Variants in MYL3 observed in about 807,000 individuals in gnomAD.
MYL3 encodes the protein CMLC1.
Under a neutral mutation model 21.3 loss-of-function variants are expected in MYL3, and 11 were observed. The observed-to-expected ratio is 0.52, with a 90% CI of 0.32 to 0.85. The LOEUF (loss-of-function observed/expected upper bound fraction) is 0.85. Ranked by LOEUF, MYL3 falls within the 40% of genes least tolerant of loss-of-function variation. The pLI is 0.03. For synonymous variants in MYL3, 88 were observed against 91.6 expected (o/e 0.96, Z 0.22); for missense variants, 206 against 253.3 (o/e 0.81, Z 1.27).
chr3:46,859,693 G>T lies in MYL3; in HGVS notation c.308-45C>A. On this transcript the variant is annotated intron_variant, in intron 3 of 6. Transcript: ENST00000292327. This position sits in a 1 kb window ranked among gnomAD's most constrained non-coding sequence, Gnocchi z 4.1. ...GGTTCCAGGGTCTAAGGCTGGGGTG[G>T]GCACACCCCTCCCCCATGCCTGATA... 6.3e-7 allele frequency: 1 copy of T among 1,592,868 alleles called. No individual in the cohort carries two copies. The highest frequency in any genetic ancestry group is 8.6e-7 in the Non-Finnish European group (1 of 1,160,776).
At chr3:46,870,668 C>CCT (rs941648166) in intron 1 of MYL3, among the ~76,000 whole-genome samples, 34 of 152,114 alleles carry the variant, frequency 2.2e-4, no homozygotes, top group Admixed American at 2.2e-3. Flanking sequence ...ATGTATCCAC[C>CCT]CTCCCAGTGT....
At chr3:46,865,606 A>G (rs1416402925), upstream of MYL3, among the ~76,000 whole-genome samples, 1 of 152,198 alleles carries the variant, frequency 6.6e-6, no homozygotes, top group Non-Finnish European at 1.5e-5. This position sits in a 1 kb window ranked among gnomAD's most constrained non-coding sequence, Gnocchi z 4.3. Flanking sequence ...TCATCCTCAC[A>G]CAATTACCAC....
chr3:46,875,099 C>T (rs930731239), intron 1 of MYL3, among the ~76,000 whole-genome samples: 1 of 152,214 alleles, frequency 6.6e-6, no homozygotes, highest in African/African-American at 2.4e-5. Context: ...GAAAGCTGGA[C>T]AAGATTTGGA....
At chr3:46,858,890 C>G (rs1575497582) in intron 4 of MYL3, among the ~76,000 whole-genome samples, 1 of 152,148 alleles carries the variant, frequency 6.6e-6, no homozygotes, top group Non-Finnish European at 1.5e-5. Context: ...TGCTGGCCCC[C>G]CTTCAAAATG....
In MYL3 at chr3:46,863,359, TC is replaced by T. The variant is rs1702012187; in HGVS notation, c.31del (p.Asp11MetfsTer59). On this transcript the variant is annotated frameshift_variant, in exon 1 of 7. Coordinates refer to ENST00000292327, the MANE Select transcript of MYL3 (RefSeq NM_000258.3). LOFTEE classifies it high-confidence loss of function. MAPKKPEPKK[D>X]DAKAAPKAAP... ...TGCCTTGGGGGCTGCCTTGGCATCA[TC>T]CTTCTTGGGCTCTGGCTTTTTGGGG... is the stretch of plus-strand genomic sequence containing the variant. 1 of 1,613,696 alleles carries T rather than the reference TC, an allele frequency of 6.2e-7. No homozygotes were observed. The highest frequency in any genetic ancestry group is 1.7e-5 in the Admixed American group (1 of 60,002).
upstream of MYL3, among the ~76,000 whole-genome samples, chr3:46,867,321 C>T (rs544458079): frequency 6.6e-5 from 10 of 152,308 alleles, no homozygotes; most frequent in East Asian, 1.5e-3. Context: ...GACCCAGGAC[C>T]CAGGACAAGG....
intron 1 of MYL3, among the ~76,000 whole-genome samples, chr3:46,871,320 C>A (rs1483618592): frequency 6.6e-6 from 1 of 152,072 alleles, no homozygotes; most frequent in East Asian, 1.9e-4. Context: ...CCTCTCACCC[C>A]ACCCTACCCT....
intron 1 of MYL3, among the ~76,000 whole-genome samples, chr3:46,869,646 G>A (rs765748992): frequency 1.9e-4 from 29 of 152,224 alleles, no homozygotes; most frequent in Non-Finnish European, 3.4e-4. Flanking sequence ...GTGCTTCCAC[G>A]TGTCACCATG....
chr3:46,865,063 G>C (rs138098782), upstream of MYL3, among the ~76,000 whole-genome samples: 208 of 152,244 alleles, frequency 1.4e-3, 1 homozygote, highest in African/African-American at 4.6e-3. The surrounding 1 kb of genome is among the most constrained non-coding windows in gnomAD (Gnocchi z 4.3). Flanking sequence ...CTAAGCCTGA[G>C]GCTGAGAGGT....
intron 1 of MYL3, among the ~76,000 whole-genome samples, chr3:46,875,890 TGG>T (rs2030183087): frequency 1.3e-5 from 2 of 152,188 alleles, no homozygotes; most frequent in South Asian, 4.1e-4. Context: ...TAAACATGGC[TGG>T]GTCTGAGCTG....
At chr3:46,864,629 G>A (rs563520286), upstream of MYL3, among the ~76,000 whole-genome samples, 4 of 152,244 alleles carry the variant, frequency 2.6e-5, no homozygotes, top group Admixed American at 6.5e-5. The surrounding 1 kb of genome is among the most constrained non-coding windows in gnomAD (Gnocchi z 4.7). Context: ...GCCCTCTGCC[G>A]ACCCTTTTGG....
At chr3:46,862,859 G>A (rs771124177) in intron 1 of MYL3, among the ~76,000 whole-genome samples, 1 of 152,226 alleles carries the variant, frequency 6.6e-6, no homozygotes, top group African/African-American at 2.4e-5. Flanking sequence ...CATCCACGCT[G>A]GGAGCGTGTA....
chr3:46,858,242 G>A lies in MYL3; in HGVS notation c.*2C>T, dbSNP rs1222800803. On this transcript the variant is annotated 3_prime_UTR_variant, in exon 6 of 7. Coordinates refer to ENST00000292327, the MANE Select transcript of MYL3 (RefSeq NM_000258.3). Reference sequence around the variant, plus strand: ...GAGTGGGTGCCTACCTGGGCACGAGGTTTAGCTGGACATGATGTGCTTCAC... The same window carrying A: ...GAGTGGGTGCCTACCTGGGCACGAGATTTAGCTGGACATGATGTGCTTCAC... The A allele has an allele frequency of 1.2e-6, 2 of 1,614,192 alleles. No homozygotes were observed. Among genetic ancestry groups the A allele is most frequent in the South Asian group, 1.1e-5 (1 of 91,084 alleles).
At chr3:46,873,156 G>C (rs909081096) in intron 1 of MYL3, among the ~76,000 whole-genome samples, 1 of 152,248 alleles carries the variant, frequency 6.6e-6, no homozygotes, top group African/African-American at 2.4e-5. Context: ...GGAGTTGAAA[G>C]GTGCAGATCC....
At position 46,876,756 on chromosome 3, in the gene MYL3, G is replaced by A. The variant is rs1275477218; in HGVS notation, c.-218+5318C>T. ...GGGCACTGGGGGCTACAGCTGGAAT[G>A]TGCTGAGTGGCAGCTGCCACGTGAA... On this transcript the variant is annotated intron_variant, in intron 1 of 3. Transcript: ENST00000431168. Among the ~76,000 whole-genome samples, 5 of 152,198 alleles carry A rather than the reference G, an allele frequency of 3.3e-5. No individual in the cohort carries two copies. The East Asian group carries it at 9.6e-4, about 29-fold the overall frequency.
chr3:46,863,621 T>C, upstream of MYL3: 1 of 533,674 alleles, frequency 1.9e-6, no homozygotes, highest in Admixed American at 3.2e-5. Flanking sequence ...AGGAGGGATC[T>C]CCATTCCTCC....
At position 46,872,543 on chromosome 3, in the gene MYL3, C is replaced by A. The variant is rs2029978104; in HGVS notation, c.-217-5943G>T. On this transcript the variant is annotated intron_variant, in intron 1 of 3. Coordinates refer to the MYL3 transcript ENST00000431168. Reference sequence around the variant, plus strand: ...CCAGGGGCAGGAAAACAAGGAGAAACCATCATTGATTGCGGCTGCCAGAAG... The same window carrying A: ...CCAGGGGCAGGAAAACAAGGAGAAAACATCATTGATTGCGGCTGCCAGAAG... Among the ~76,000 whole-genome samples, 5 of 145,912 alleles carry A rather than the reference C, an allele frequency of 3.4e-5. No homozygotes were observed. The South Asian group carries it at 9.3e-4, about 27-fold the overall frequency.
chr3:46,871,223 C>T (rs1702110919), intron 1 of MYL3, among the ~76,000 whole-genome samples: 1 of 152,026 alleles, frequency 6.6e-6, no homozygotes, highest in African/African-American at 2.4e-5. Flanking sequence ...ATCAGGGAAC[C>T]CTACCAGGCC....
upstream of MYL3, among the ~76,000 whole-genome samples, chr3:46,864,880 C>A (rs1387021927): frequency 1.3e-5 from 2 of 152,242 alleles, no homozygotes; most frequent in Admixed American, 6.5e-5. This position sits in a 1 kb window ranked among gnomAD's most constrained non-coding sequence, Gnocchi z 4.7. Context: ...GCACAAGGCT[C>A]TTCCCGCATG....
Sources: gnomAD v4.1 joint callset for allele counts (sites outside exome capture counted in the v4.1 genomes callset) on GRCh38, gnomAD v4.1.1 for gene constraint, Gnocchi (gnomAD v3.1) non-coding constraint, MANE v1.5 for transcripts, NCBI Gene and HGNC (gene_info 2026-07-23, HGNC 2026-07-21) for gene names.